Variants in LAMA1 observed in about 807,000 individuals in gnomAD.
LAMA1 encodes the protein laminin subunit alpha-1.
A neutral mutation model predicts 348.7 loss-of-function variants in LAMA1; 219 were observed. The ratio of observed to expected loss-of-function variants is 0.63; its 90% CI spans 0.56 to 0.70. The LOEUF is 0.70. Ranked by LOEUF, LAMA1 falls within the 30% of genes least tolerant of loss-of-function variation. The pLI, the probability that LAMA1 is intolerant of heterozygous loss-of-function variation, is 0.00. For synonymous variants in LAMA1, 1,487 were observed against 1,491.0 expected, an observed-to-expected ratio of 1.00 and a Z score of 0.06; for missense variants, 3,744 against 3,888.0, an observed-to-expected ratio of 0.96 and a Z score of 0.99.
Position 7,016,502 on chromosome 18 carries a change from C to G in LAMA1, c.2978G>C (p.Gly993Ala), listed in dbSNP as rs146026654. The change falls in exon 21 of 63, where the codon GGT (glycine) becomes GCT (alanine). Residue 993 changes from glycine (G) to alanine (A), a missense_variant. Around this residue, in one of 3 missense-constraint regions of LAMA1, gnomAD observed 1,529 missense variants for 1,689.4 expected, o/e 0.91. Transcript: ENST00000389658. ...CAHGFYAYQDGSCTPCDCPHT... is the reference protein window; with the variant it reads ...CAHGFYAYQDASCTPCDCPHT... ...AAATCAAGGCTTACGTGTACAGCTA[C>G]CATCCTGGTAGGCGTAGAAGCCATG... is the stretch of plus-strand genomic sequence containing the variant. 1.2e-6 allele frequency: 2 copies of G among 1,614,096 alleles called. No individual in the cohort carries two copies. Among genetic ancestry groups the G allele is most frequent in the Non-Finnish European group, 1.7e-6 (2 of 1,180,062 alleles).
chr18:6,995,583 T>A lies in LAMA1; in HGVS notation c.4807-137A>T, dbSNP rs2057777828. 73 of 665,532 alleles carry A rather than the reference T, an allele frequency of 1.1e-4. No individual in the cohort carries two copies. The South Asian group carries it at 1.2e-3, about 11-fold the overall frequency. 41.2% of individuals were successfully genotyped at this position (665,532 alleles called of 1,614,324 possible). On this transcript the variant is annotated intron_variant, in intron 33 of 62. Coordinates refer to ENST00000389658, the MANE Select transcript of LAMA1 (RefSeq NM_005559.4). Reference sequence around the variant, plus strand: ...TTGGAACTGTCATTTTAAAAAAAAATGGATCACATTTACTTAGGTTTCGAT... The same window carrying A: ...TTGGAACTGTCATTTTAAAAAAAAAAGGATCACATTTACTTAGGTTTCGAT...
At chr18:7,106,240 C>T (rs1461327626) in intron 1 of LAMA1, among the ~76,000 whole-genome samples, 4 of 152,104 alleles carry the variant, frequency 2.6e-5, no homozygotes, top group South Asian at 2.1e-4. Context: ...ACAGACAAAG[C>T]GAGGGATGGT....
intron 12 of LAMA1, among the ~76,000 whole-genome samples, chr18:7,036,957 G>A (rs986926299): frequency 6.6e-5 from 10 of 152,048 alleles, no homozygotes; most frequent in South Asian, 2.1e-4. Flanking sequence ...GGAGAGATGC[G>A]GCATAAGTGG....
chr18:7,044,978 C>G, intron 6 of LAMA1, 139 bp from the exon 7 acceptor site: 2 of 745,310 alleles, frequency 2.7e-6, no homozygotes, highest in Non-Finnish European at 4.8e-6. Flanking sequence ...TCAAAGCAAA[C>G]TGGCATTTAA....
At chr18:7,038,687 A>G in intron 11 of LAMA1, 123 bp downstream of exon 11, 1 of 1,324,738 alleles carries the variant, frequency 7.5e-7, no homozygotes, top group African/African-American at 1.4e-5. Context: ...CGTCAGTATC[A>G]TTGCATAGCG....
At position 7,107,976 on chromosome 18, in the gene LAMA1, T is replaced by C. The variant is rs1025525645; in HGVS notation, c.61+9684A>G. 4.0e-5 allele frequency among the ~76,000 whole-genome samples: 6 copies of C among 150,088 alleles called. No individual in the cohort carries two copies. In the East Asian group the frequency reaches 1.2e-3, roughly 30 times the overall value. On this transcript the variant is annotated intron_variant, in intron 1 of 62. Transcript: ENST00000389658. ...TTGCAGTGAGCCAAGATCGCGCCACTGCACTCCAGCCTGGGCGACAGAGCG... is the reference window on the plus strand; with the variant it reads ...TTGCAGTGAGCCAAGATCGCGCCACCGCACTCCAGCCTGGGCGACAGAGCG...
intron 1 of LAMA1, among the ~76,000 whole-genome samples, chr18:7,091,198 A>G (rs2058238508): frequency 6.6e-6 from 1 of 152,224 alleles, no homozygotes; most frequent in South Asian, 2.1e-4. Context: ...ACAACAATTT[A>G]AATGTTCTAC....
At chr18:7,011,924 G>A in intron 24 of LAMA1, 71 bp downstream of exon 24, 1 of 1,528,040 alleles carries the variant, frequency 6.5e-7, no homozygotes, top group South Asian at 1.2e-5. Flanking sequence ...ACTTGGCTGT[G>A]TTTCCCACCC....
At chr18:7,056,306 G>C (rs1435967000) in intron 3 of LAMA1, among the ~76,000 whole-genome samples, 1 of 152,170 alleles carries the variant, frequency 6.6e-6, no homozygotes, top group African/African-American at 2.4e-5. Flanking sequence ...GCAGCCCATT[G>C]GGGAGGGAGA....
rs563797711 is a variant in LAMA1 at position 7,003,417 on chromosome 18, ATTTTAT to A, written c.4261-1038_4261-1033del. 3.9e-4 allele frequency among the ~76,000 whole-genome samples: 59 copies of A among 151,994 alleles called. 1 individual carries two copies. In the East Asian group the frequency reaches 4.1e-3, roughly 11 times the overall value. On this transcript the variant is annotated intron_variant, in intron 29 of 62. Transcript: ENST00000389658. ...AGGTGCCCACCACCACAACCGGCTA[ATTTTAT>A]TTTTATTTTTATTTTTAGTAGAGAC...
chr18:7,084,991 T>C (rs538867476), intron 1 of LAMA1, among the ~76,000 whole-genome samples: 2 of 152,268 alleles, frequency 1.3e-5, no homozygotes, highest in Non-Finnish European at 2.9e-5. Context: ...AAGTCTTAAT[T>C]CATTTGTGTG....
chr18:6,984,296 C>T (rs866952481), intron 39 of LAMA1, among the ~76,000 whole-genome samples: 3 of 152,166 alleles, frequency 2.0e-5, no homozygotes, highest in Non-Finnish European at 2.9e-5. Flanking sequence ...TAAGGAGACA[C>T]GCATCTTTCC....
intron 58 of LAMA1, 99 bp downstream of exon 58, chr18:6,950,683 G>T (rs2057542391): frequency 3.0e-6 from 4 of 1,340,490 alleles, no homozygotes; most frequent in Non-Finnish European, 3.2e-6. Context: ...GCGAGATAGA[G>T]ATTAATGGGG....
At chr18:7,015,933 C>T in intron 21 of LAMA1, 75 bp from the exon 22 acceptor site, 5 of 1,574,090 alleles carry the variant, frequency 3.2e-6, no homozygotes, top group Non-Finnish European at 4.4e-6. Context: ...GCTGTTATTT[C>T]CCTTTTATTA....
At chr18:7,021,683 T>G (rs2057915902) in intron 19 of LAMA1, among the ~76,000 whole-genome samples, 1 of 151,344 alleles carries the variant, frequency 6.6e-6, no homozygotes, top group Non-Finnish European at 1.5e-5. Context: ...ATTATTAAAA[T>G]ACATTTCACC....
intron 16 of LAMA1, among the ~76,000 whole-genome samples, chr18:7,029,081 C>T (rs2057957086): frequency 6.6e-6 from 1 of 152,204 alleles, no homozygotes; most frequent in South Asian, 2.1e-4. Flanking sequence ...GAATTGTAAG[C>T]ATTTGTATTA....
intron 43 of LAMA1, 63 bp from the exon 44 acceptor site, chr18:6,977,944 TAA>T: frequency 1.5e-5 from 23 of 1,548,444 alleles, no homozygotes; most frequent in Middle Eastern, 1.7e-4. Context: ...ACAAGATAAT[TAA>T]TTGTCCATTA....
At chr18:7,072,719 G>A (rs145873266) in intron 3 of LAMA1, among the ~76,000 whole-genome samples, 1 of 152,166 alleles carries the variant, frequency 6.6e-6, no homozygotes, top group Non-Finnish European at 1.5e-5. Flanking sequence ...CTCTGTCTCT[G>A]TGTTTCTGTT....
intron 61 of LAMA1, among the ~76,000 whole-genome samples, chr18:6,945,341 A>G (rs916466355): frequency 6.6e-6 from 1 of 152,180 alleles, no homozygotes; most frequent in African/African-American, 2.4e-5. Context: ...CATGAATCGG[A>G]AAAGAGGTGA....
Sources: allele counts gnomAD v4.1 joint callset (sites outside exome capture counted in the v4.1 genomes callset), GRCh38; gene constraint gnomAD v4.1.1; regional missense constraint gnomAD v4.1.1; transcripts MANE v1.5; gene names NCBI Gene and HGNC (gene_info 2026-07-23, HGNC 2026-07-21).